Variants in PTPRD observed in about 807,000 individuals in gnomAD.
PTPRD encodes the protein protein tyrosine phosphatase receptor type D, also known as receptor-type tyrosine-protein phosphatase delta.
PTPRD carries 34 observed loss-of-function variants against 214.5 expected under a neutral mutation model. The observed-to-expected ratio is 0.16, with a 90% CI of 0.12 to 0.21. The LOEUF is 0.21. Ranked by LOEUF, PTPRD falls within the 10% of genes least tolerant of loss-of-function variation. The pLI, the probability that PTPRD is intolerant of heterozygous loss-of-function variation, is 1.00. For missense variants in PTPRD, 2,545 were observed against 2,398.7 expected (o/e 1.06, Z -1.27); for synonymous variants, 1,128 against 845.7 (o/e 1.33, Z -5.79).
chr9:9,429,464 T>C (rs906099214), intron 8 of PTPRD, among the ~76,000 whole-genome samples: 2 of 152,032 alleles, frequency 1.3e-5, no homozygotes, highest in Non-Finnish European at 2.9e-5. Flanking sequence ...CTGAATTCTA[T>C]CAGAGGTACA....
chr9:9,278,862 C>T (rs1195778301), intron 9 of PTPRD, among the ~76,000 whole-genome samples: 1 of 151,310 alleles, frequency 6.6e-6, no homozygotes, highest in Admixed American at 6.6e-5. Context: ...TCTACACATA[C>T]ACAAACACAC....
At chr9:9,835,763 G>A (rs893079237) in intron 5 of PTPRD, among the ~76,000 whole-genome samples, 3 of 152,006 alleles carry the variant, frequency 2.0e-5, no homozygotes, top group Non-Finnish European at 4.4e-5. Flanking sequence ...CATAACACAG[G>A]AGTGGAATCA....
At chr9:8,566,074 G>A (rs932511858) in intron 14 of PTPRD, among the ~76,000 whole-genome samples, 2 of 144,482 alleles carry the variant, frequency 1.4e-5, no homozygotes, top group African/African-American at 5.1e-5. Context: ...TACTTCCGCT[G>A]AAAAGATATA....
chr9:8,682,953 C>T (rs1013059663), intron 12 of PTPRD, among the ~76,000 whole-genome samples: 3 of 152,104 alleles, frequency 2.0e-5, no homozygotes, highest in African/African-American at 4.8e-5. Context: ...AAGACTATGA[C>T]TTGCAGGTTT....
chr9:10,010,239 G>A (rs1356437131), intron 4 of PTPRD, among the ~76,000 whole-genome samples: 1 of 151,590 alleles, frequency 6.6e-6, no homozygotes. Context: ...ATGACCTCAG[G>A]GCAAAGAGAC....
At chr9:9,181,417 C>T (rs527585801) in intron 10 of PTPRD, among the ~76,000 whole-genome samples, 1 of 151,876 alleles carries the variant, frequency 6.6e-6, no homozygotes, top group South Asian at 2.1e-4. Context: ...AATATGCTGC[C>T]TGTTTCCATT....
chr9:10,334,759 G>C (rs1267744404), intron 3 of PTPRD, among the ~76,000 whole-genome samples: 1 of 151,402 alleles, frequency 6.6e-6, no homozygotes, highest in African/African-American at 2.4e-5. Context: ...CTTTTCCTTT[G>C]ATTGACAGTG....
At chr9:9,326,749 A>T (rs1014828779) in intron 9 of PTPRD, among the ~76,000 whole-genome samples, 1 of 152,034 alleles carries the variant, frequency 6.6e-6, no homozygotes, top group Admixed American at 6.6e-5. Context: ...AAACAGAAAT[A>T]TGCAGGCATC....
At chr9:10,379,257 T>C (rs1338557490) in intron 2 of PTPRD, among the ~76,000 whole-genome samples, 5 of 151,776 alleles carry the variant, frequency 3.3e-5, no homozygotes, top group Admixed American at 1.3e-4. Context: ...TTTGTGTGTG[T>C]GTGTGTGTGT....
At chr9:8,853,703 A>T (rs2097860429) in intron 11 of PTPRD, among the ~76,000 whole-genome samples, 1 of 152,210 alleles carries the variant, frequency 6.6e-6, no homozygotes, top group Non-Finnish European at 1.5e-5. Flanking sequence ...AGGAATTCTC[A>T]ATCTTGTAGT....
At chr9:9,286,443 T>C (rs1949388438) in intron 9 of PTPRD, among the ~76,000 whole-genome samples, 2 of 151,840 alleles carry the variant, frequency 1.3e-5, no homozygotes, top group Admixed American at 1.3e-4. Flanking sequence ...TTCTTCTCAC[T>C]CTACAACCCT....
intron 8 of PTPRD, among the ~76,000 whole-genome samples, chr9:9,446,032 T>C (rs773971746): frequency 6.6e-6 from 1 of 152,180 alleles, no homozygotes; most frequent in South Asian, 2.1e-4. Flanking sequence ...TTAAATTATG[T>C]TCTATTTTTT....
intron 5 of PTPRD, among the ~76,000 whole-genome samples, chr9:9,888,398 A>G (rs892991832): frequency 3.3e-5 from 5 of 152,056 alleles, no homozygotes; most frequent in African/African-American, 7.2e-5. Flanking sequence ...CAGTTTGGAT[A>G]TTTGTCCCTT....
At chr9:9,476,292 T>C (rs1353516266) in intron 8 of PTPRD, among the ~76,000 whole-genome samples, 1 of 152,226 alleles carries the variant, frequency 6.6e-6, no homozygotes, top group African/African-American at 2.4e-5. Context: ...AGCAAATATT[T>C]CTATTCACTC....
intron 5 of PTPRD, among the ~76,000 whole-genome samples, chr9:9,859,212 C>T (rs2062168335): frequency 6.6e-6 from 1 of 152,156 alleles, no homozygotes; most frequent in Non-Finnish European, 1.5e-5. Context: ...CCTGATGCTT[C>T]CCCAGCCATG....
intron 11 of PTPRD, among the ~76,000 whole-genome samples, chr9:8,813,520 T>G (rs2096858641): frequency 6.6e-6 from 1 of 152,164 alleles, no homozygotes; most frequent in Admixed American, 6.5e-5. Context: ...ACAAGGCACG[T>G]GCCACCATGC....
At chr9:10,217,101 T>C (rs1279624124) in intron 3 of PTPRD, among the ~76,000 whole-genome samples, 1 of 151,998 alleles carries the variant, frequency 6.6e-6, no homozygotes, top group East Asian at 1.9e-4. Flanking sequence ...CTTATTTCAA[T>C]TAAGTGCTCA....
rs186139973 is a variant in PTPRD at position 8,919,973 on chromosome 9, T to C, written c.-104+98724A>G. 1.8e-3 allele frequency among the ~76,000 whole-genome samples: 274 copies of C among 152,196 alleles called. 2 individuals are homozygous for C. Among genetic ancestry groups the C allele is most frequent in the African/African-American group, 6.2e-3 (256 of 41,552 alleles). On this transcript the variant is annotated intron_variant, in intron 11 of 45. Coordinates refer to ENST00000381196, the MANE Select transcript of PTPRD (RefSeq NM_002839.4). ...ATGTATGTATACGTGTGTATGCATG[T>C]ATTGTCTTGTTACAATCAGGAGTAT...
At chr9:9,303,924 T>C (rs924102099) in intron 9 of PTPRD, among the ~76,000 whole-genome samples, 3 of 152,136 alleles carry the variant, frequency 2.0e-5, no homozygotes, top group Non-Finnish European at 4.4e-5. Flanking sequence ...GGAATACTTA[T>C]AAACAGTTAA....
Sources: gnomAD v4.1 joint callset for allele counts (sites outside exome capture counted in the v4.1 genomes callset) on GRCh38, gnomAD v4.1.1 for gene constraint, MANE v1.5 for transcripts, NCBI Gene and HGNC (gene_info 2026-07-23, HGNC 2026-07-21) for gene names.